The following KCNK18 variants were observed in gnomAD, a reference collection of about 807,000 sequenced individuals.
KCNK18 encodes the protein potassium two pore domain channel subfamily K member 18.
In KCNK18, 8 loss-of-function variants were observed where a neutral mutation model predicts 11.8. The ratio of observed to expected loss-of-function variants is 0.68; its 90% CI spans 0.40 to 1.22. The LOEUF (loss-of-function observed/expected upper bound fraction) is 1.22, where lower values mean the gene tolerates loss of function less well. KCNK18 is among the 50% of genes most tolerant of loss of function. The pLI is 0.01. For missense variants in KCNK18, 442 were observed against 465.4 expected, an observed-to-expected ratio of 0.95 and a Z score of 0.46; for synonymous variants, 208 against 185.8, an observed-to-expected ratio of 1.12 and a Z score of -0.97.
At chr10:117,206,899 C>T (rs1855083286) in intron 2 of KCNK18, among the ~76,000 whole-genome samples, 1 of 152,194 alleles carries the variant, frequency 6.6e-6, no homozygotes, top group African/African-American at 2.4e-5. Flanking sequence ...CTTTGTTGAA[C>T]CCGCCATAGG....
chr10:117,205,956 A>G (rs1855070138), intron 2 of KCNK18, among the ~76,000 whole-genome samples: 1 of 152,118 alleles, frequency 6.6e-6, no homozygotes, highest in African/African-American at 2.4e-5. Flanking sequence ...AGGCTGAGGC[A>G]AGAGAATCTC....
chr10:117,208,172 C>A (rs2133706327), intron 2 of KCNK18, among the ~76,000 whole-genome samples: 1 of 152,256 alleles, frequency 6.6e-6, no homozygotes, highest in South Asian at 2.1e-4. Context: ...GTGGATTTGA[C>A]CCCAACTCCA....
chr10:117,203,168 C>A (rs1417357709), intron 2 of KCNK18, among the ~76,000 whole-genome samples: 2 of 152,074 alleles, frequency 1.3e-5, no homozygotes, highest in African/African-American at 2.4e-5. Flanking sequence ...TGAGACACCG[C>A]GCCTGGCCTT....
At chr10:117,207,646 T>C (rs1855091708) in intron 2 of KCNK18, among the ~76,000 whole-genome samples, 1 of 152,296 alleles carries the variant, frequency 6.6e-6, no homozygotes, top group South Asian at 2.1e-4. Context: ...TGCTCTGGAA[T>C]GGATGCAAAC....
chr10:117,203,202 C>T (rs776830156), intron 2 of KCNK18, among the ~76,000 whole-genome samples: 4 of 152,030 alleles, frequency 2.6e-5, no homozygotes, highest in Non-Finnish European at 2.9e-5. Flanking sequence ...CTGATGCAGG[C>T]AGGGATGGGT....
At chr10:117,203,625 C>G (rs148797264) in intron 2 of KCNK18, among the ~76,000 whole-genome samples, 1 of 152,314 alleles carries the variant, frequency 6.6e-6, no homozygotes, top group South Asian at 2.1e-4. Flanking sequence ...CTGCAACCTC[C>G]GCCTCCCAGG....
chr10:117,202,885 G>GTTTTTT (rs750157980), intron 2 of KCNK18, among the ~76,000 whole-genome samples: 8,716 of 110,202 alleles, frequency 0.079, 1,674 homozygotes, highest in Non-Finnish European at 0.1. Flanking sequence ...TTGCCTGAAT[G>GTTTTTT]CTTTTTTTTT....
intron 1 of KCNK18, among the ~76,000 whole-genome samples, chr10:117,200,226 T>C (rs1854996873): frequency 1.3e-5 from 2 of 152,082 alleles, no homozygotes; most frequent in African/African-American, 4.8e-5. Flanking sequence ...CACAGGTGTG[T>C]GCCACCACAC....
At chr10:117,208,713 G>C (rs1009628777) in intron 2 of KCNK18, among the ~76,000 whole-genome samples, 2 of 151,042 alleles carry the variant, frequency 1.3e-5, no homozygotes, top group African/African-American at 4.9e-5. Context: ...GAAACAAAGA[G>C]CTCAGTCCTC....
intron 2 of KCNK18, among the ~76,000 whole-genome samples, chr10:117,205,156 C>T (rs1005729859): frequency 6.6e-6 from 1 of 152,118 alleles, no homozygotes; most frequent in African/African-American, 2.4e-5. Flanking sequence ...GCTGTGAGGC[C>T]GGTCAATCCC....
At chr10:117,204,105 T>TA (rs896440413) in intron 2 of KCNK18, among the ~76,000 whole-genome samples, 6 of 151,370 alleles carry the variant, frequency 4.0e-5, no homozygotes, top group Non-Finnish European at 5.9e-5. Context: ...CTACAAAAAA[T>TA]AAAAAAATCA....
At chr10:117,203,869 T>C (rs111642103) in intron 2 of KCNK18, among the ~76,000 whole-genome samples, 10,155 of 152,198 alleles carry the variant, frequency 0.067, 551 homozygotes, top group Admixed American at 0.16. Flanking sequence ...TTTGTAGAAA[T>C]GGGGTTTCAC....
chr10:117,205,009 A>C (rs1205103558), intron 2 of KCNK18, among the ~76,000 whole-genome samples: 3 of 152,178 alleles, frequency 2.0e-5, no homozygotes, highest in Admixed American at 1.3e-4. Context: ...CTGGAAGAGG[A>C]TGTTGGGGAA....
chr10:117,203,963 A>T (rs1037476190), intron 2 of KCNK18, among the ~76,000 whole-genome samples: 3 of 152,172 alleles, frequency 2.0e-5, no homozygotes, highest in African/African-American at 7.2e-5. Flanking sequence ...TTATACGCTG[A>T]TCCACCATGC....
intron 1 of KCNK18, among the ~76,000 whole-genome samples, chr10:117,199,068 A>C (rs1854983722): frequency 6.6e-6 from 1 of 152,192 alleles, no homozygotes; most frequent in African/African-American, 2.4e-5. Context: ...CCATAATCCT[A>C]GCATTTTGGG....
At chr10:117,200,212 G>A (rs1248874160) in intron 1 of KCNK18, among the ~76,000 whole-genome samples, 2 of 152,096 alleles carry the variant, frequency 1.3e-5, no homozygotes, top group Non-Finnish European at 2.9e-5. Context: ...TGAGTAGCTG[G>A]GACCACAGGT....
chr10:117,200,321 G>A (rs545405983), intron 1 of KCNK18, among the ~76,000 whole-genome samples: 2 of 152,152 alleles, frequency 1.3e-5, no homozygotes, highest in South Asian at 4.2e-4. Flanking sequence ...CAAATGATCC[G>A]CCCACCTTAG....
chr10:117,207,398 A>G (rs1052810619), intron 2 of KCNK18, among the ~76,000 whole-genome samples: 2 of 152,126 alleles, frequency 1.3e-5, no homozygotes, highest in African/African-American at 4.8e-5. Flanking sequence ...ATTGATCTCC[A>G]TTTGTAATTA....
intron 2 of KCNK18, among the ~76,000 whole-genome samples, chr10:117,206,893 G>T (rs17095857): frequency 0.014 from 2,071 of 152,182 alleles, 51 homozygotes; most frequent in African/African-American, 0.047. Context: ...ATAACCCTTT[G>T]TTGAACCCGC....
Sources: allele counts gnomAD v4.1 joint callset (sites outside exome capture counted in the v4.1 genomes callset), GRCh38; gene constraint gnomAD v4.1.1; transcripts MANE v1.5; gene names NCBI Gene and HGNC (gene_info 2026-07-23, HGNC 2026-07-21).